USP15: variants seen among roughly 807,000 people sequenced by gnomAD.
The protein encoded by USP15 is ubiquitin carboxyl-terminal hydrolase 15.
A neutral mutation model predicts 127.1 loss-of-function variants in USP15; 18 were observed. The ratio of observed to expected loss-of-function variants is 0.14; its 90% CI spans 0.10 to 0.21. The LOEUF (loss-of-function observed/expected upper bound fraction) is 0.21. Among genes scored for constraint, USP15 ranks in the 10% least tolerant of loss-of-function variants. The pLI is 1.00. For missense variants in USP15, 805 were observed against 1,159.9 expected, an observed-to-expected ratio of 0.69 and a Z score of 4.44; for synonymous variants, 364 against 393.7, an observed-to-expected ratio of 0.92 and a Z score of 0.89.
rs377082558 is a variant in USP15, at chr12:62,344,484, T to C, written c.684-4737T>C. Among the ~76,000 whole-genome samples the C allele has an allele frequency of 6.6e-5, 10 of 152,292 alleles. No homozygotes were observed. The East Asian group carries it at 1.4e-3, about 21-fold the overall frequency. Reference sequence around the variant, plus strand: ...GTAGCCCCACTCCTGGCTGTTTTCATGGGCCAGCATTGTCTGCAGCTTTTC... The same window carrying C: ...GTAGCCCCACTCCTGGCTGTTTTCACGGGCCAGCATTGTCTGCAGCTTTTC... On this transcript the variant is annotated intron_variant, in intron 6 of 21. Coordinates refer to ENST00000280377, the MANE Select transcript of USP15 (RefSeq NM_001252078.2).
At chr12:62,366,674 T>C (rs2066486661) in intron 8 of USP15, among the ~76,000 whole-genome samples, 2 of 152,200 alleles carry the variant, frequency 1.3e-5, no homozygotes, top group African/African-American at 4.8e-5. Flanking sequence ...CAGTATGATA[T>C]TGGCTGTGGG....
intron 11 of USP15, among the ~76,000 whole-genome samples, chr12:62,388,880 A>G (rs1592717304): frequency 6.6e-6 from 1 of 152,342 alleles, no homozygotes; most frequent in East Asian, 1.9e-4. Context: ...CTGTAATCCC[A>G]GCATTTTGGG....
chr12:62,264,777 A>G (rs1184593582), intron 1 of USP15, among the ~76,000 whole-genome samples: 1 of 152,254 alleles, frequency 6.6e-6, no homozygotes, highest in Non-Finnish European at 1.5e-5. Context: ...GAAAAGGAAC[A>G]CTATTACTCA....
At chr12:62,389,122 C>T (rs114709579) in intron 11 of USP15, among the ~76,000 whole-genome samples, 3,352 of 152,196 alleles carry the variant, frequency 0.022, 125 homozygotes, top group African/African-American at 0.075. Flanking sequence ...GAGTGAGAGC[C>T]TGTCTCTAAA....
intron 6 of USP15, among the ~76,000 whole-genome samples, chr12:62,338,927 T>C (rs1592621473): frequency 1.3e-5 from 2 of 152,314 alleles, no homozygotes; most frequent in Admixed American, 6.5e-5. Context: ...TTGTTATTTT[T>C]GCTTAGGACT....
rs1409833913 is a variant in USP15 at position 62,321,544 on chromosome 12, A to G, written c.556A>G (p.Asn186Asp). 6.2e-7 allele frequency: 1 copy of G among 1,610,458 alleles called. No individual in the cohort carries two copies. Among genetic ancestry groups the G allele is most frequent in the Non-Finnish European group, 8.5e-7 (1 of 1,178,152 alleles). ...CAGATTGTGGAACAAATACATGAGT[A>G]ACACATTTGAACCACTGAATAAACC... ...ETRLWNKYMS[N>D]TFEPLNKPDS... The change falls in exon 5 of 22, where the codon AAC becomes GAC. Residue 186 changes from asparagine to aspartate, a missense_variant. Asn to Asp is a conservative substitution (Grantham distance 23, BLOSUM62 1). Coordinates refer to ENST00000280377, the MANE Select transcript of USP15 (RefSeq NM_001252078.2).
chr12:62,277,510 A>C (rs957217632), intron 1 of USP15: 2 of 152,114 alleles, frequency 1.3e-5, no homozygotes, highest in African/African-American at 4.8e-5. Flanking sequence ...TGGTACACTT[A>C]TTTAGAACAC....
At chr12:62,353,167 A>G (rs1225749048) in intron 7 of USP15, among the ~76,000 whole-genome samples, 1 of 152,124 alleles carries the variant, frequency 6.6e-6, no homozygotes, top group African/African-American at 2.4e-5. Flanking sequence ...ATATTAAAGT[A>G]TCTTAAATTG....
chr12:62,349,137 C>A, intron 6 of USP15, 84 bp from the exon 7 acceptor site: 1 of 808,562 alleles, frequency 1.2e-6, no homozygotes, highest in Non-Finnish European at 1.8e-6. Flanking sequence ...TTACTACAAA[C>A]ATTGTCATCT....
At chr12:62,367,796 G>A (rs1022149303) in intron 8 of USP15, among the ~76,000 whole-genome samples, 4 of 151,712 alleles carry the variant, frequency 2.6e-5, no homozygotes, top group South Asian at 2.1e-4. Context: ...AAGGTTTTTC[G>A]TGTCTCTGTC....
intron 9 of USP15, among the ~76,000 whole-genome samples, chr12:62,382,912 C>T (rs189694993): frequency 2.6e-5 from 4 of 151,860 alleles, no homozygotes; most frequent in Admixed American, 1.3e-4. Context: ...TAGGAGGAGG[C>T]AATAGGAATA....
Position 62,359,160 on chromosome 12 carries a change from A to G in USP15, c.915+3685A>G, listed in dbSNP as rs114148683. Among the ~76,000 whole-genome samples the G allele has an allele frequency of 7.7e-4, 116 of 151,096 alleles. 1 individual carries two copies. Among genetic ancestry groups the G allele is most frequent in the African/African-American group, 2.6e-3 (109 of 41,142 alleles). ...CCCAGAACCCCATCTGCTTTCCTTT[A>G]CTTTCCACAATGGCCCCAGAAGCTT... On this transcript the variant is annotated intron_variant, in intron 8 of 21. Transcript: ENST00000280377.
At chr12:62,369,929 A>T (rs1411442741) in intron 8 of USP15, among the ~76,000 whole-genome samples, 4 of 152,104 alleles carry the variant, frequency 2.6e-5, no homozygotes, top group Middle Eastern at 6.3e-3. Context: ...AACCCCTCTT[A>T]CCATCCCTGA....
At chr12:62,341,014 T>C (rs1771522984) in intron 6 of USP15, among the ~76,000 whole-genome samples, 1 of 152,220 alleles carries the variant, frequency 6.6e-6, no homozygotes, top group South Asian at 2.1e-4. Flanking sequence ...AGTCTGAGTC[T>C]CTTTCTAGGT....
chr12:62,395,459 T>TG (rs1017359443), intron 19 of USP15, among the ~76,000 whole-genome samples: 2 of 152,170 alleles, frequency 1.3e-5, no homozygotes, highest in African/African-American at 4.8e-5. Context: ...TTATGGAGAA[T>TG]GGGGTATCCA....
At chr12:62,357,360 G>T (rs909862949) in intron 8 of USP15, among the ~76,000 whole-genome samples, 5 of 151,990 alleles carry the variant, frequency 3.3e-5, no homozygotes, top group Non-Finnish European at 7.4e-5. Context: ...ATTTGGCATC[G>T]TTTAGCTTTC....
chr12:62,335,940 C>G (rs2065448428), intron 6 of USP15: 1 of 985,408 alleles, frequency 1.0e-6, no homozygotes, highest in Non-Finnish European at 1.2e-6. Flanking sequence ...CTTTGTCTGT[C>G]TAGCTCGGTT....
At chr12:62,340,413 T>C (rs1445459576) in intron 6 of USP15, among the ~76,000 whole-genome samples, 1 of 152,134 alleles carries the variant, frequency 6.6e-6, no homozygotes, top group Non-Finnish European at 1.5e-5. Flanking sequence ...TCTTAGTTGT[T>C]TCTTGTCTTC....
intron 6 of USP15, among the ~76,000 whole-genome samples, chr12:62,332,945 T>A (rs1402896434): frequency 6.6e-6 from 1 of 152,190 alleles, no homozygotes; most frequent in Non-Finnish European, 1.5e-5. Context: ...GCATACTACT[T>A]TTTTGGTTGA....
Sources: allele counts gnomAD v4.1 joint callset (sites outside exome capture counted in the v4.1 genomes callset), GRCh38; gene constraint gnomAD v4.1.1; transcripts MANE v1.5; gene names NCBI Gene and HGNC (gene_info 2026-07-23, HGNC 2026-07-21).